The following PDE7B variants were observed in gnomAD, a reference collection of about 807,000 sequenced individuals.
The protein encoded by PDE7B is phosphodiesterase 7B.
In PDE7B, 29 loss-of-function variants were observed where a neutral mutation model predicts 56.2. The observed-to-expected ratio is 0.52, with a 90% CI of 0.38 to 0.70. The LOEUF (loss-of-function observed/expected upper bound fraction) is 0.70. PDE7B is among the 30% of genes least tolerant of loss of function. PDE7B has a pLI of 0.00. For missense variants in PDE7B, 490 were observed against 565.0 expected (o/e 0.87, Z 1.35); for synonymous variants, 197 against 196.9 (o/e 1.00, Z 0.00).
At chr6:135,875,056 G>A (rs540611276) in intron 1 of PDE7B, among the ~76,000 whole-genome samples, 156 of 151,384 alleles carry the variant, frequency 1.0e-3, no homozygotes, top group African/African-American at 3.6e-3. Context: ...GTTCTCTTTT[G>A]GTTACAGTTT....
At chr6:136,184,144 T>C (rs1364576821) in intron 11 of PDE7B, among the ~76,000 whole-genome samples, 2 of 152,222 alleles carry the variant, frequency 1.3e-5, no homozygotes, top group South Asian at 2.1e-4. Context: ...TTATGAAGAA[T>C]GCAAAGAACT....
chr6:136,025,267 T>A (rs1202166643), intron 2 of PDE7B, among the ~76,000 whole-genome samples: 1 of 152,210 alleles, frequency 6.6e-6, no homozygotes, highest in African/African-American at 2.4e-5. Context: ...CCTGCACTCT[T>A]ATAATATCTT....
chr6:136,130,989 A>G (rs951406249), intron 3 of PDE7B, among the ~76,000 whole-genome samples: 3 of 152,170 alleles, frequency 2.0e-5, no homozygotes, highest in African/African-American at 4.8e-5. Flanking sequence ...CTCCCACAAC[A>G]TGTGGGAATT....
At chr6:136,094,439 T>C (rs536480646) in intron 2 of PDE7B, among the ~76,000 whole-genome samples, 84 of 152,302 alleles carry the variant, frequency 5.5e-4, no homozygotes, top group African/African-American at 1.9e-3. Flanking sequence ...CTGGATTTGC[T>C]GTTCCCTGAG....
intron 2 of PDE7B, among the ~76,000 whole-genome samples, chr6:135,969,494 G>C (rs1378838972): frequency 6.6e-6 from 1 of 151,938 alleles, no homozygotes; most frequent in Admixed American, 6.6e-5. Flanking sequence ...AGGTCTCATA[G>C]ATCAAGAGAA....
intron 2 of PDE7B, among the ~76,000 whole-genome samples, chr6:135,973,939 G>A (rs1457084211): frequency 1.3e-5 from 2 of 152,148 alleles, no homozygotes; most frequent in African/African-American, 2.4e-5. Flanking sequence ...CCACTCATAA[G>A]AGCAGGAAGA....
chr6:135,918,206 C>T (rs1262454526), intron 1 of PDE7B, among the ~76,000 whole-genome samples: 2 of 152,166 alleles, frequency 1.3e-5, no homozygotes, highest in Non-Finnish European at 2.9e-5. Context: ...GCTTTGGCTC[C>T]TCCTCCCTGT....
intron 2 of PDE7B, among the ~76,000 whole-genome samples, chr6:136,031,677 T>C (rs1776248950): frequency 6.9e-6 from 1 of 144,834 alleles, no homozygotes. Flanking sequence ...AGGCGGAGCT[T>C]GCAGTGAGCC....
chr6:135,988,377 C>T (rs1442274303), intron 2 of PDE7B, among the ~76,000 whole-genome samples: 1 of 152,048 alleles, frequency 6.6e-6, no homozygotes, highest in African/African-American at 2.4e-5. Context: ...CTCTTTAGCA[C>T]TGAGCTCATT....
chr6:135,900,753 A>G (rs1047143003), intron 1 of PDE7B, among the ~76,000 whole-genome samples: 2 of 151,852 alleles, frequency 1.3e-5, no homozygotes, highest in Non-Finnish European at 2.9e-5. Flanking sequence ...AAATTCTCAC[A>G]TATAGGATAG....
intron 1 of PDE7B, among the ~76,000 whole-genome samples, chr6:135,934,961 A>G (rs12110380): frequency 0.23 from 10,484 of 45,764 alleles, 1,050 homozygotes; most frequent in South Asian, 0.33. Flanking sequence ...TATATATAAT[A>G]TATATATTTC....
chr6:135,978,321 G>T (rs1327452732), intron 2 of PDE7B, among the ~76,000 whole-genome samples: 1 of 152,052 alleles, frequency 6.6e-6, no homozygotes, highest in Non-Finnish European at 1.5e-5. Context: ...CATTTCTAGG[G>T]CACTTACCGT....
chr6:136,011,507 C>A (rs1277646117), intron 2 of PDE7B, among the ~76,000 whole-genome samples: 2 of 152,148 alleles, frequency 1.3e-5, no homozygotes, highest in African/African-American at 4.8e-5. Context: ...ACTTGGGCTG[C>A]CTGGCCTTGG....
chr6:136,063,806 C>T (rs1307017112), intron 2 of PDE7B, among the ~76,000 whole-genome samples: 2 of 152,156 alleles, frequency 1.3e-5, no homozygotes, highest in African/African-American at 4.8e-5. Context: ...AACCTCATAT[C>T]CAACCCTCTC....
At chr6:135,941,131 C>T (rs962929459) in intron 1 of PDE7B, among the ~76,000 whole-genome samples, 3 of 152,066 alleles carry the variant, frequency 2.0e-5, no homozygotes, top group African/African-American at 7.3e-5. Context: ...TATGCCTACT[C>T]CAGATTCCCT....
chr6:136,081,037 C>T (rs918849384), intron 2 of PDE7B, among the ~76,000 whole-genome samples: 4 of 152,088 alleles, frequency 2.6e-5, no homozygotes, highest in African/African-American at 9.7e-5. Flanking sequence ...ACAAACAAAT[C>T]AATGAGGTTG....
rs1374026692 is a variant in PDE7B, at chr6:136,147,421, C to A, written c.237C>A (p.Phe79Leu). 1 of 1,612,674 alleles carries A rather than the reference C, an allele frequency of 6.2e-7. No homozygotes were observed. Among genetic ancestry groups the A allele is most frequent in the South Asian group, 1.1e-5 (1 of 91,038 alleles). Residue 79 changes from phenylalanine to leucine, a missense_variant, in exon 4 of 13, where the codon TTC (phenylalanine) becomes TTA (leucine). By Grantham distance (22) the Phe-to-Leu change is conservative. Coordinates refer to ENST00000308191, the MANE Select transcript of PDE7B (RefSeq NM_018945.4). The part of the protein sequence containing the change: ...VKRLLSFQRY[F>L]HASRLLRGII... ...GACTATTAAGCTTTCAAAGATACTTCCATGCATCAAGGCTGCTTCGTGGAA... is the reference window on the plus strand; with the variant it reads ...GACTATTAAGCTTTCAAAGATACTTACATGCATCAAGGCTGCTTCGTGGAA...
intron 3 of PDE7B, among the ~76,000 whole-genome samples, chr6:136,127,729 G>T (rs945382275): frequency 2.0e-4 from 30 of 152,258 alleles, no homozygotes; most frequent in African/African-American, 7.2e-4. Context: ...TAAAAATTAA[G>T]CCTCTCAGGG....
At chr6:135,884,316 C>T (rs528278606) in intron 1 of PDE7B, among the ~76,000 whole-genome samples, 1 of 152,270 alleles carries the variant, frequency 6.6e-6, no homozygotes, top group South Asian at 2.1e-4. Context: ...TTAAAGCATG[C>T]TCCAGTGGCG....
Sources: allele counts gnomAD v4.1 joint callset (sites outside exome capture counted in the v4.1 genomes callset), GRCh38; gene constraint gnomAD v4.1.1; transcripts MANE v1.5; gene names NCBI Gene and HGNC (gene_info 2026-07-23, HGNC 2026-07-21).